The following TAFA5 variants were observed in gnomAD, a reference collection of about 807,000 sequenced individuals.
TAFA5 encodes TAFA chemokine like family member 5.
A neutral mutation model predicts 15.3 loss-of-function variants in TAFA5; 6 were observed. That is an observed-to-expected ratio of 0.39 (90% CI 0.21 to 0.77). The LOEUF is 0.77. Ranked by LOEUF, TAFA5 falls within the 30% of genes least tolerant of loss-of-function variation. The pLI, the probability that TAFA5 is intolerant of heterozygous loss-of-function variation, is 0.41. For synonymous variants in TAFA5, 103 were observed against 80.7 expected, an observed-to-expected ratio of 1.28 and a Z score of -1.48; for missense variants, 161 against 193.1, an observed-to-expected ratio of 0.83 and a Z score of 0.98.
At position 48,575,829 on chromosome 22, in the gene TAFA5, C is replaced by T. The variant is rs1923758769; in HGVS notation, c.113-70768C>T. On this transcript the variant is annotated intron_variant, in intron 1 of 3. Transcript: ENST00000402357. The stretch of plus-strand genomic sequence containing the variant: ...CGGCGGCGGCGATGGTGCGGCAGCC[C>T]CGCGCCCGGCGCGCAGCCCCGGCCC... Among the ~76,000 whole-genome samples the T allele has an allele frequency of 1.4e-5, 2 of 142,922 alleles. 1 individual carries two copies. The highest frequency in any genetic ancestry group is 1.4e-4 in the Admixed American group (2 of 14,550). 93.8% of individuals were successfully genotyped at this position (142,922 alleles called of 152,430 possible). A position where few individuals can be genotyped will look rare whatever the true frequency, so the allele number is the denominator to read the frequency against.
intron 1 of TAFA5, among the ~76,000 whole-genome samples, chr22:48,583,937 C>CA: frequency 6.8e-6 from 1 of 147,976 alleles, no homozygotes; most frequent in East Asian, 2.0e-4. Context: ...ACACCACACA[C>CA]CACACACCAT....
In TAFA5 at chr22:48,527,075, T is replaced by C. The variant is rs555999111; in HGVS notation, c.112+37371T>C. The stretch of plus-strand genomic sequence containing the variant: ...TGTGTGCATTTGGAGAACTCAGATG[T>C]AAGGGGCTTCATTGTAACAGCCCCA... On this transcript the variant is annotated intron_variant, in intron 1 of 3. Transcript: ENST00000402357. 2.6e-5 allele frequency among the ~76,000 whole-genome samples: 4 copies of C among 152,360 alleles called. No individual in the cohort carries two copies. The East Asian group carries it at 7.7e-4, about 29-fold the overall frequency.
intron 3 of TAFA5, among the ~76,000 whole-genome samples, chr22:48,746,137 C>T (rs146589138): frequency 2.8e-4 from 42 of 152,052 alleles, no homozygotes; most frequent in Admixed American, 7.2e-4. Context: ...AGCTTGGTCG[C>T]CTCCGGCCCC....
chr22:48,678,885 CTCCCTGTCCA>C (rs1928065394), intron 2 of TAFA5, among the ~76,000 whole-genome samples: 1 of 151,834 alleles, frequency 6.6e-6, no homozygotes, highest in Admixed American at 6.6e-5. Flanking sequence ...ACCGTCCCGG[CTCCCTGTCCA>C]TCCCTCTCCC....
At chr22:48,605,520 T>G (rs1925161883) in intron 1 of TAFA5, among the ~76,000 whole-genome samples, 1 of 151,972 alleles carries the variant, frequency 6.6e-6, no homozygotes, top group East Asian at 1.9e-4. Flanking sequence ...ATGGTTGTGG[T>G]GGTGATAGGG....
chr22:48,576,121 G>T (rs1202497791), intron 1 of TAFA5, among the ~76,000 whole-genome samples: 1 of 142,986 alleles, frequency 7.0e-6, no homozygotes, highest in Non-Finnish European at 1.5e-5. Flanking sequence ...GGCTCCGGGG[G>T]CGGCGGCGGG....
intron 1 of TAFA5, among the ~76,000 whole-genome samples, chr22:48,572,406 A>G (rs917978175): frequency 6.6e-6 from 1 of 152,242 alleles, no homozygotes. Context: ...GCCGATGGGC[A>G]AACAGGGTCC....
At chr22:48,627,422 G>A (rs1292131194) in intron 1 of TAFA5, among the ~76,000 whole-genome samples, 4 of 152,262 alleles carry the variant, frequency 2.6e-5, no homozygotes, top group African/African-American at 4.8e-5. Flanking sequence ...CCCAGAGGGC[G>A]CCGCGTGCAG....
At chr22:48,602,741 G>A (rs915986498) in intron 1 of TAFA5, among the ~76,000 whole-genome samples, 4 of 152,166 alleles carry the variant, frequency 2.6e-5, no homozygotes, top group African/African-American at 7.2e-5. Flanking sequence ...TGAAGTGTCC[G>A]GGACCTGCTG....
intron 2 of TAFA5, chr22:48,693,427 G>C (rs999515507): frequency 1.1e-5 from 18 of 1,610,518 alleles, no homozygotes; most frequent in Non-Finnish European, 1.5e-5. Flanking sequence ...CGTGCAGGCA[G>C]TAAAGGAGGG....
At chr22:48,710,256 G>C (rs1296066620) in intron 3 of TAFA5, among the ~76,000 whole-genome samples, 1 of 152,276 alleles carries the variant, frequency 6.6e-6, no homozygotes, top group South Asian at 2.1e-4. Context: ...GCGCACACTG[G>C]TAAGTGGGGG....
chr22:48,610,035 GT>G lies in TAFA5; in HGVS notation c.113-36560del, dbSNP rs562446537. Among the ~76,000 whole-genome samples, 30 of 152,348 alleles carry G rather than the reference GT, an allele frequency of 2.0e-4. No homozygotes were observed. In the South Asian group the frequency reaches 6.0e-3, roughly 31 times the overall value. ...AAGGTGACAGTTACAGGCCTCAGGG[GT>G]TAGAATCTCAGCATGGTTTTAGGGG... On this transcript the variant is annotated intron_variant, in intron 1 of 3. Coordinates refer to ENST00000402357, the MANE Select transcript of TAFA5 (RefSeq NM_001082967.3).
chr22:48,678,377 G>A (rs532703062), intron 2 of TAFA5, among the ~76,000 whole-genome samples: 1 of 152,334 alleles, frequency 6.6e-6, no homozygotes, highest in East Asian at 1.9e-4. Context: ...GACCCTATGC[G>A]GGGCAAAGAC....
At chr22:48,548,765 C>T (rs1223321190) in intron 1 of TAFA5, among the ~76,000 whole-genome samples, 2 of 152,238 alleles carry the variant, frequency 1.3e-5, no homozygotes, top group Admixed American at 1.3e-4. Context: ...TGAGAGCGTG[C>T]ATGAGAGTTT....
At position 48,560,569 on chromosome 22, in the gene TAFA5, TA is replaced by T. The variant is rs869257293; in HGVS notation, c.112+70866del. On this transcript the variant is annotated intron_variant, in intron 1 of 3. Transcript: ENST00000402357. This position sits in a 1 kb window ranked among gnomAD's most constrained non-coding sequence, Gnocchi z 4.2. The stretch of plus-strand genomic sequence containing the variant: ...CTGGGCCATGAAAAACGTTGTATTT[TA>T]TTATTATTATTATTATTATTATATT... Among the ~76,000 whole-genome samples the T allele has an allele frequency of 2.5e-4, 27 of 108,306 alleles. No individual in the cohort carries two copies. The highest frequency in any genetic ancestry group is 1.1e-3 in the African/African-American group (25 of 23,010). The allele number at this position is 108,306 out of a possible 152,430, so 71.1% of individuals were successfully genotyped here.
intron 2 of TAFA5, among the ~76,000 whole-genome samples, chr22:48,662,327 G>A (rs914992952): frequency 1.3e-5 from 2 of 152,090 alleles, no homozygotes; most frequent in East Asian, 1.9e-4. Flanking sequence ...CGGGAGCCTC[G>A]GGGGTGCCAG....
chr22:48,656,564 C>T (rs7291165), intron 2 of TAFA5, among the ~76,000 whole-genome samples: 8,124 of 151,646 alleles, frequency 0.054, 286 homozygotes, highest in African/African-American at 0.088. Context: ...ATACTGAAAC[C>T]AAAAATATCC....
chr22:48,528,014 G>T (rs1273454935), intron 1 of TAFA5, among the ~76,000 whole-genome samples: 1 of 152,252 alleles, frequency 6.6e-6, no homozygotes, highest in African/African-American at 2.4e-5. Flanking sequence ...CCTTGGTGCA[G>T]GGCACCAGAC....
intron 3 of TAFA5, among the ~76,000 whole-genome samples, chr22:48,735,788 G>A (rs112775325): frequency 0.03 from 1,548 of 51,114 alleles, 4 homozygotes; most frequent in African/African-American, 0.14. Flanking sequence ...TCCATCCCCC[G>A]CAGGAGGAAT....
Sources: gnomAD v4.1 joint callset for allele counts (sites outside exome capture counted in the v4.1 genomes callset) on GRCh38, gnomAD v4.1.1 for gene constraint, Gnocchi (gnomAD v3.1) non-coding constraint, MANE v1.5 for transcripts, NCBI Gene and HGNC (gene_info 2026-07-23, HGNC 2026-07-21) for gene names.